The following CDKAL1 variants were observed in gnomAD, a reference collection of about 807,000 sequenced individuals.
The protein encoded by CDKAL1 is threonylcarbamoyladenosine tRNA methylthiotransferase.
Under a neutral mutation model 68.2 loss-of-function variants are expected in CDKAL1, and 32 were observed. The ratio of observed to expected loss-of-function variants is 0.47; its 90% CI spans 0.35 to 0.63. The LOEUF is 0.63. Among genes scored for constraint, CDKAL1 ranks in the 30% least tolerant of loss-of-function variants. CDKAL1 has a pLI of 0.00. For synonymous variants in CDKAL1, 234 were observed against 244.3 expected (o/e 0.96, Z 0.39); for missense variants, 606 against 696.7 (o/e 0.87, Z 1.47).
chr6:21,025,565 G>A (rs1482181925), intron 11 of CDKAL1, among the ~76,000 whole-genome samples: 1 of 152,092 alleles, frequency 6.6e-6, no homozygotes, highest in Non-Finnish European at 1.5e-5. Context: ...TTGTTTGGGG[G>A]TAGGAATGTA....
intron 8 of CDKAL1, among the ~76,000 whole-genome samples, chr6:20,808,118 T>C (rs1776649060): frequency 6.6e-6 from 1 of 152,212 alleles, no homozygotes; most frequent in Admixed American, 6.5e-5. Context: ...ATAAGTAAAA[T>C]CTCTTCATAT....
At chr6:21,195,872 G>C (rs1778450870) in intron 13 of CDKAL1, among the ~76,000 whole-genome samples, 1 of 152,160 alleles carries the variant, frequency 6.6e-6, no homozygotes, top group South Asian at 2.1e-4. Context: ...TGACTCCTCA[G>C]TTGAGGACAC....
At chr6:21,008,231 C>G (rs1399770615) in intron 11 of CDKAL1, among the ~76,000 whole-genome samples, 1 of 151,738 alleles carries the variant, frequency 6.6e-6, no homozygotes, top group East Asian at 1.9e-4. Flanking sequence ...AGATGAGGGT[C>G]TAGAGATAAA....
chr6:20,951,312 T>C (rs1375875145), intron 9 of CDKAL1, among the ~76,000 whole-genome samples: 1 of 152,206 alleles, frequency 6.6e-6, no homozygotes, highest in Non-Finnish European at 1.5e-5. Context: ...AGCTCATACA[T>C]AGTTATAGTG....
chr6:20,550,481 C>T (rs968168250), intron 4 of CDKAL1, among the ~76,000 whole-genome samples: 1 of 151,998 alleles, frequency 6.6e-6, no homozygotes, highest in East Asian at 1.9e-4. Flanking sequence ...ACAAAATGTT[C>T]TAATCTCTCA....
At chr6:21,011,097 A>T (rs1473736731) in intron 11 of CDKAL1, among the ~76,000 whole-genome samples, 2 of 137,328 alleles carry the variant, frequency 1.5e-5, no homozygotes, top group African/African-American at 5.5e-5. Context: ...AAAAAAAAAA[A>T]GCCAGGCACG....
intron 4 of CDKAL1, among the ~76,000 whole-genome samples, chr6:20,575,721 A>G (rs573803759): frequency 8.5e-5 from 13 of 152,048 alleles, no homozygotes; most frequent in Non-Finnish European, 1.9e-4. Flanking sequence ...ACATTGCAAT[A>G]TTTTTCACAT....
chr6:21,163,584 C>A (rs983875705), intron 13 of CDKAL1, among the ~76,000 whole-genome samples: 2 of 152,142 alleles, frequency 1.3e-5, no homozygotes, highest in Non-Finnish European at 1.5e-5. Context: ...AAACCACAGG[C>A]GTTTGTCAGA....
intron 5 of CDKAL1, among the ~76,000 whole-genome samples, chr6:20,654,766 A>AT (rs1277557777): frequency 6.6e-6 from 1 of 152,080 alleles, no homozygotes; most frequent in African/African-American, 2.4e-5. Context: ...TTGAGTGTCC[A>AT]TAGATGTTTG....
chr6:21,162,754 G>A (rs1776977219), intron 13 of CDKAL1, among the ~76,000 whole-genome samples: 1 of 151,694 alleles, frequency 6.6e-6, no homozygotes, highest in African/African-American at 2.4e-5. Context: ...GCAAGACCTT[G>A]TCTCTAAAAA....
At chr6:21,084,524 A>G (rs968198983) in intron 12 of CDKAL1, among the ~76,000 whole-genome samples, 1 of 152,210 alleles carries the variant, frequency 6.6e-6, no homozygotes, top group African/African-American at 2.4e-5. Context: ...CTGAAGTACT[A>G]TAATACTGAC....
intron 10 of CDKAL1, among the ~76,000 whole-genome samples, chr6:20,964,778 C>T (rs928316503): frequency 3.9e-5 from 6 of 152,040 alleles, no homozygotes; most frequent in African/African-American, 9.7e-5. Context: ...CCCATGTACC[C>T]CTGAACTTAA....
At chr6:20,653,423 G>A (rs1050500227) in intron 5 of CDKAL1, among the ~76,000 whole-genome samples, 2 of 152,042 alleles carry the variant, frequency 1.3e-5, no homozygotes, top group Non-Finnish European at 2.9e-5. Flanking sequence ...TGGTGATGAT[G>A]GTATTTCGTT....
At chr6:20,834,557 C>A (rs969096713) in intron 8 of CDKAL1, among the ~76,000 whole-genome samples, 1 of 152,126 alleles carries the variant, frequency 6.6e-6, no homozygotes, top group African/African-American at 2.4e-5. Flanking sequence ...AGACTTTTAG[C>A]ATTTGGGGGT....
At chr6:20,808,695 A>T (rs1342530103) in intron 8 of CDKAL1, among the ~76,000 whole-genome samples, 1 of 152,044 alleles carries the variant, frequency 6.6e-6, no homozygotes, top group Non-Finnish European at 1.5e-5. Context: ...TTCAGGAGAG[A>T]AGATGGGATT....
At chr6:20,596,671 T>C (rs1765840056) in intron 4 of CDKAL1, among the ~76,000 whole-genome samples, 1 of 152,136 alleles carries the variant, frequency 6.6e-6, no homozygotes, top group African/African-American at 2.4e-5. Context: ...GGAGAGTGAA[T>C]GGTTCTTTCT....
intron 15 of CDKAL1, among the ~76,000 whole-genome samples, chr6:21,203,715 T>C (rs1778786789): frequency 6.7e-6 from 1 of 148,272 alleles, no homozygotes; most frequent in African/African-American, 2.5e-5. Context: ...TTTTTTTTTT[T>C]TTCCTGAAAT....
intron 7 of CDKAL1, among the ~76,000 whole-genome samples, chr6:20,776,080 G>T (rs895469274): frequency 4.6e-5 from 7 of 152,000 alleles, no homozygotes; most frequent in African/African-American, 1.7e-4. Flanking sequence ...ATACCATCAG[G>T]CAGAGATACT....
chr6:21,052,630 C>T (rs1770606689), intron 11 of CDKAL1, among the ~76,000 whole-genome samples: 1 of 149,622 alleles, frequency 6.7e-6, no homozygotes, highest in Non-Finnish European at 1.5e-5. Context: ...TCCTTGGCCT[C>T]CGAAAGTGCT....
Sources: gnomAD v4.1 joint callset for allele counts (sites outside exome capture counted in the v4.1 genomes callset) on GRCh38, gnomAD v4.1.1 for gene constraint, MANE v1.5 for transcripts, NCBI Gene and HGNC (gene_info 2026-07-23, HGNC 2026-07-21) for gene names.